ANK3: variants seen among roughly 807,000 people sequenced by gnomAD.
ANK3 encodes ankyrin-3.
Under a neutral mutation model 370.9 loss-of-function variants are expected in ANK3, and 57 were observed. The ratio of observed to expected loss-of-function variants is 0.15; its 90% CI spans 0.12 to 0.19. The LOEUF (loss-of-function observed/expected upper bound fraction) is 0.19, where lower values mean the gene tolerates loss of function less well. Among genes scored for constraint, ANK3 ranks in the 10% least tolerant of loss-of-function variants. The probability of loss-of-function intolerance (pLI) is 1.00; values close to 1 mark genes in which losing one functional copy is unlikely to be tolerated. For synonymous variants in ANK3, 1,929 were observed against 1,946.3 expected (o/e 0.99, Z 0.23); for missense variants, 4,439 against 5,302.1 (o/e 0.84, Z 5.06).
intron 1 of ANK3, among the ~76,000 whole-genome samples, chr10:60,310,516 C>T (rs903878669): frequency 3.9e-5 from 6 of 151,956 alleles, no homozygotes; most frequent in Admixed American, 3.3e-4. Context: ...GATTTGAATA[C>T]ATGAGAAAAA....
intron 1 of ANK3, among the ~76,000 whole-genome samples, chr10:60,664,985 C>A (rs2078978802): frequency 6.6e-6 from 1 of 152,110 alleles, no homozygotes; most frequent in African/African-American, 2.4e-5. Flanking sequence ...GATCGTGTTA[C>A]AAAATTGAAA....
chr10:60,412,177 C>G lies in ANK3; in HGVS notation c.97-132538G>C, dbSNP rs996952994. ...TTTTTCGTCAACTTGACTGGCCGTG[C>G]AGGGTGCTCGGGGTGCATTATTCTA... is the stretch of plus-strand genomic sequence containing the variant. On this transcript the variant is annotated intron_variant, in intron 2 of 43. Transcript: ENST00000373827. 4.5e-4 allele frequency among the ~76,000 whole-genome samples: 69 copies of G among 152,146 alleles called. 1 individual carries two copies. Among genetic ancestry groups the G allele is most frequent in the African/African-American group, 1.6e-3 (67 of 41,504 alleles).
chr10:60,718,982 A>G (rs989756385), intron 1 of ANK3, among the ~76,000 whole-genome samples: 1 of 152,196 alleles, frequency 6.6e-6, no homozygotes, highest in Admixed American at 6.5e-5. Flanking sequence ...CAAACTATAC[A>G]GCAGAAAGAA....
rs975176567 is a variant in ANK3, at chr10:60,691,137, T to C, written c.57+42126A>G. Among the ~76,000 whole-genome samples, 6 of 152,166 alleles carry C rather than the reference T, an allele frequency of 3.9e-5. No individual in the cohort carries two copies. In the East Asian group the frequency reaches 1.2e-3, roughly 29 times the overall value. On this transcript the variant is annotated intron_variant, in intron 1 of 43. Transcript: ENST00000373827. ...TCTGTTAGGTCAAAGTCAGCTCTCC[T>C]ACGCTCCATGGCAAGTCTCCCCATC...
intron 1 of ANK3, among the ~76,000 whole-genome samples, chr10:60,709,395 C>G (rs1427099848): frequency 1.3e-5 from 2 of 152,060 alleles, no homozygotes; most frequent in African/African-American, 4.8e-5. Flanking sequence ...CACCCTTGAG[C>G]AATAACAAAT....
In ANK3 at chr10:60,439,724, G is replaced by A. The variant is rs1173742151; in HGVS notation, c.97-160085C>T. Among the ~76,000 whole-genome samples, 31 of 152,150 alleles carry A rather than the reference G, an allele frequency of 2.0e-4. 1 individual carries two copies. Among genetic ancestry groups the A allele is most frequent in the Non-Finnish European group, 7.4e-5 (5 of 68,020 alleles). On this transcript the variant is annotated intron_variant, in intron 2 of 43. Transcript: ENST00000373827. ...CTAGAGCTGATTCTGACTACAACTTGCTATGTGGCTTTGGGTAAGACATTT... is the reference window on the plus strand; with the variant it reads ...CTAGAGCTGATTCTGACTACAACTTACTATGTGGCTTTGGGTAAGACATTT...
chr10:60,303,923 A>G (rs1204050612), intron 1 of ANK3, among the ~76,000 whole-genome samples: 1 of 151,484 alleles, frequency 6.6e-6, no homozygotes, highest in Admixed American at 6.6e-5. Flanking sequence ...ATTAAACACT[A>G]TTTGATCATA....
At chr10:60,375,976 C>T (rs1049965001) in intron 1 of ANK3, among the ~76,000 whole-genome samples, 11 of 152,160 alleles carry the variant, frequency 7.2e-5, no homozygotes, top group Non-Finnish European at 1.3e-4. Flanking sequence ...ATTGGGATGG[C>T]CACTTCATGT....
At chr10:60,180,654 C>T (rs1475401836) in intron 18 of ANK3, among the ~76,000 whole-genome samples, 2 of 136,598 alleles carry the variant, frequency 1.5e-5, no homozygotes, top group Admixed American at 1.5e-4. Flanking sequence ...ACAAATGACA[C>T]AAATCTGATA....
chr10:60,072,734 C>T lies in ANK3; in HGVS notation c.8147G>A (p.Ser2716Asn), dbSNP rs2082975494. Residue 2716 changes from serine (S) to asparagine (N), a missense_variant, in exon 37 of 44, where the codon AGT (serine) becomes AAT (asparagine). Ser to Asn is a conservative substitution (Grantham distance 46). Coordinates refer to ENST00000280772, the MANE Select transcript of ANK3 (RefSeq NM_020987.5). ...SGFQLKQSKL[S>N]SIRLKFEQGT... ...TTGTTCAAATTTTAATCTAATGGAA[C>T]TGAGTTTAGATTGTTTGAGCTGGAA... is the stretch of plus-strand genomic sequence containing the variant. 3.1e-6 allele frequency: 5 copies of T among 1,614,000 alleles called. No individual in the cohort carries two copies. In the South Asian group the frequency reaches 4.4e-5, roughly 14 times the overall value.
At chr10:60,469,791 G>T (rs377733067) in intron 2 of ANK3, among the ~76,000 whole-genome samples, 67 of 149,866 alleles carry the variant, frequency 4.5e-4, no homozygotes, top group African/African-American at 1.6e-3. Context: ...ATTAAAGACT[G>T]GCTATCAACA....
intron 38 of ANK3, among the ~76,000 whole-genome samples, chr10:60,067,096 T>C (rs923294923): frequency 6.6e-6 from 1 of 152,120 alleles, no homozygotes; most frequent in Non-Finnish European, 1.5e-5. Flanking sequence ...ATTTTTGTAT[T>C]TTTAGTAGAG....
chr10:60,556,425 A>G (rs2077208533), intron 2 of ANK3, among the ~76,000 whole-genome samples: 1 of 152,054 alleles, frequency 6.6e-6, no homozygotes, highest in South Asian at 2.1e-4. Flanking sequence ...CAAAGTTTAT[A>G]CTTCAATTAC....
At chr10:60,102,835 G>C (rs760643460) in intron 28 of ANK3, among the ~76,000 whole-genome samples, 1 of 152,086 alleles carries the variant, frequency 6.6e-6, no homozygotes, top group African/African-American at 2.4e-5. Flanking sequence ...ATGGAGAAGG[G>C]GGTTGAAAAA....
At chr10:60,205,742 G>T in intron 11 of ANK3, 50 bp downstream of exon 11, 2 of 1,371,632 alleles carry the variant, frequency 1.5e-6, no homozygotes, top group Non-Finnish European at 2.1e-6. Flanking sequence ...TGGCTGCTAA[G>T]GCTATACTCT....
intron 1 of ANK3, among the ~76,000 whole-genome samples, chr10:60,619,975 G>T (rs1194082738): frequency 6.6e-6 from 1 of 152,062 alleles, no homozygotes; most frequent in Non-Finnish European, 1.5e-5. Context: ...TTTCTTCCTT[G>T]ACTGAATAAT....
At chr10:60,467,636 T>C (rs901006157) in intron 2 of ANK3, among the ~76,000 whole-genome samples, 3 of 152,182 alleles carry the variant, frequency 2.0e-5, no homozygotes, top group African/African-American at 4.8e-5. Flanking sequence ...TTAAAATACA[T>C]TCTTTTTTTA....
intron 2 of ANK3, among the ~76,000 whole-genome samples, chr10:60,505,499 A>G (rs1050259685): frequency 6.6e-6 from 1 of 152,100 alleles, no homozygotes; most frequent in African/African-American, 2.4e-5. Context: ...AGCATTAGCA[A>G]TTGTTCTTCT....
chr10:60,376,593 G>C (rs781439359), intron 1 of ANK3, among the ~76,000 whole-genome samples: 1 of 152,232 alleles, frequency 6.6e-6, no homozygotes, highest in Non-Finnish European at 1.5e-5. Flanking sequence ...TTTGGAGCAA[G>C]AGAAAATTCA....
Sources: allele counts gnomAD v4.1 joint callset (sites outside exome capture counted in the v4.1 genomes callset), GRCh38; gene constraint gnomAD v4.1.1; transcripts MANE v1.5; gene names NCBI Gene and HGNC (gene_info 2026-07-23, HGNC 2026-07-21).